SAA2: variants seen among roughly 807,000 people sequenced by gnomAD.
SAA2 encodes the protein serum amyloid A-2 protein.
Under a neutral mutation model 9.1 loss-of-function variants are expected in SAA2, and 5 were observed. The ratio of observed to expected loss-of-function variants is 0.55; its 90% CI spans 0.29 to 1.16. The LOEUF (loss-of-function observed/expected upper bound fraction) is 1.16, where lower values mean the gene tolerates loss of function less well. SAA2 is among the 50% of genes most tolerant of loss of function. The pLI, the probability that SAA2 is intolerant of heterozygous loss-of-function variation, is 0.09. For synonymous variants in SAA2, 49 were observed against 59.8 expected (o/e 0.82, Z 0.83); for missense variants, 94 against 153.8 (o/e 0.61, Z 2.06).
exon 4 of SAA2, chr11:18,239,880 A>C: frequency 1.3e-6 from 2 of 1,526,222 alleles, no homozygotes; most frequent in East Asian, 2.5e-5. Flanking sequence ...TTTACACTGA[A>C]TCTTCATTGC....
chr11:18,245,281 T>C lies in SAA2; in HGVS notation c.*96A>G, dbSNP rs1857467848. 3 of 1,561,034 alleles carry C rather than the reference T, an allele frequency of 1.9e-6. No homozygotes were observed. In the African/African-American group the frequency reaches 4.1e-5, roughly 21 times the overall value. On this transcript the variant is annotated 3_prime_UTR_variant, in exon 4 of 4. Transcript: ENST00000256733. ...TTTATTAGATGCCTATTATATGCCATATCTCAGCTTCTCTGGACATAGACC... is the reference window on the plus strand; with the variant it reads ...TTTATTAGATGCCTATTATATGCCACATCTCAGCTTCTCTGGACATAGACC...
chr11:18,247,092 C>G (rs936062504), intron 2 of SAA2, among the ~76,000 whole-genome samples: 1 of 152,292 alleles, frequency 6.6e-6, no homozygotes, highest in African/African-American at 2.4e-5. Context: ...TTGGCCTCAG[C>G]TGCTCTAAGT....
At chr11:18,240,322 G>A (rs938101033), downstream of SAA2, 2 of 702,202 alleles carry the variant, frequency 2.8e-6, no homozygotes, top group Non-Finnish European at 5.2e-6. Context: ...CAGGTGGAAG[G>A]CTATTGTTTT....
At chr11:18,241,031 C>A (rs188102588), downstream of SAA2, among the ~76,000 whole-genome samples, 1 of 152,062 alleles carries the variant, frequency 6.6e-6, no homozygotes, top group African/African-American at 2.4e-5. Flanking sequence ...AAGGAAATAA[C>A]CCCATTAAAA....
chr11:18,243,337 C>T (rs11024579), downstream of SAA2, among the ~76,000 whole-genome samples: 2,066 of 152,236 alleles, frequency 0.014, 46 homozygotes, highest in African/African-American at 0.047. Context: ...TTCTCTCATC[C>T]TCCCTTTCTC....
chr11:18,241,861 T>A (rs1410512345), downstream of SAA2, among the ~76,000 whole-genome samples: 1 of 152,154 alleles, frequency 6.6e-6, no homozygotes, highest in African/African-American at 2.4e-5. Context: ...ATGCAATCTA[T>A]CAGTGTAACA....
chr11:18,239,938 C>T (rs1857293601), exon 4 of SAA2: 1 of 1,550,186 alleles, frequency 6.5e-7, no homozygotes, highest in East Asian at 2.4e-5. Context: ...AAGGCTTCTT[C>T]CTTCACTCTC....
chr11:18,245,592 C>T lies in SAA2; in HGVS notation c.231-77G>A, dbSNP rs1489398571. ...AGCTCACCCTCCCATTCTCCCCGTT[C>T]CAAGGGAGGGCTCAGAGAGGAGCCC... On this transcript the variant is annotated intron_variant, in intron 3 of 3. Transcript: ENST00000256733. 7.0e-6 allele frequency: 11 copies of T among 1,567,110 alleles called. No individual in the cohort carries two copies. In the East Asian group the frequency reaches 1.3e-4, roughly 19 times the overall value.
At chr11:18,243,509 A>G (rs1478988609), downstream of SAA2, among the ~76,000 whole-genome samples, 2 of 152,146 alleles carry the variant, frequency 1.3e-5, no homozygotes, top group Non-Finnish European at 2.9e-5. Flanking sequence ...CAGTGCATTG[A>G]GTCTGCTCCC....
downstream of SAA2, chr11:18,245,215 A>G: frequency 3.5e-6 from 5 of 1,443,532 alleles, no homozygotes; most frequent in South Asian, 5.9e-5. Context: ...TCAGCACCAA[A>G]AGAAGAACAC....
downstream of SAA2, among the ~76,000 whole-genome samples, chr11:18,243,660 C>A (rs1213124486): frequency 6.6e-6 from 1 of 152,190 alleles, no homozygotes; most frequent in Non-Finnish European, 1.5e-5. Flanking sequence ...TTGATGAGAA[C>A]TGTATGAGAA....
chr11:18,241,610 A>G (rs1857348783), downstream of SAA2, among the ~76,000 whole-genome samples: 2 of 152,214 alleles, frequency 1.3e-5, no homozygotes, highest in Non-Finnish European at 2.9e-5. Context: ...TTGCTGCAAC[A>G]TAGATAGAAC....
At chr11:18,245,838 G>C (rs576283026) in intron 3 of SAA2, 72 bp downstream of exon 3, 2 of 1,526,858 alleles carry the variant, frequency 1.3e-6, no homozygotes, top group African/African-American at 1.4e-5. Context: ...CAAGGAGCTC[G>C]TCTCCCTCCT....
downstream of SAA2, among the ~76,000 whole-genome samples, chr11:18,243,435 A>T (rs1857407507): frequency 6.6e-6 from 1 of 152,212 alleles, no homozygotes; most frequent in Non-Finnish European, 1.5e-5. Context: ...TAATAATAGC[A>T]TTACAGTCTT....
At chr11:18,241,657 T>G (rs1210353592), downstream of SAA2, among the ~76,000 whole-genome samples, 1 of 152,124 alleles carries the variant, frequency 6.6e-6, no homozygotes, top group Non-Finnish European at 1.5e-5. Flanking sequence ...ACCCAGAAAG[T>G]CAAATATCAC....
downstream of SAA2, chr11:18,242,579 C>T (rs1857378577): frequency 1.8e-6 from 1 of 544,244 alleles, no homozygotes; most frequent in Non-Finnish European, 3.3e-6. Flanking sequence ...GGCTCAGTGA[C>T]TCATGCCTGT....
downstream of SAA2, chr11:18,242,691 TA>T (rs1564904157): frequency 4.5e-6 from 3 of 667,704 alleles, no homozygotes; most frequent in Admixed American, 2.1e-5. Context: ...ACAAAAAATA[TA>T]AAAATTAGGC....
chr11:18,246,151 A>G, intron 2 of SAA2, 103 bp from the exon 3 acceptor site: 3 of 1,485,254 alleles, frequency 2.0e-6, no homozygotes, highest in South Asian at 1.2e-5. Flanking sequence ...ACTGACTTCA[A>G]GCTTTCAGCC....
intron 2 of SAA2, among the ~76,000 whole-genome samples, chr11:18,246,719 C>G (rs2445170): frequency 0.074 from 10,934 of 146,912 alleles, 679 homozygotes; most frequent in African/African-American, 0.16. Flanking sequence ...TTTTAGTAGA[C>G]ACAGGGTTTC....
Sources: allele counts gnomAD v4.1 joint callset (sites outside exome capture counted in the v4.1 genomes callset), GRCh38; gene constraint gnomAD v4.1.1; transcripts MANE v1.5; gene names NCBI Gene and HGNC (gene_info 2026-07-23, HGNC 2026-07-21).